The following RSPH1 variants were observed in gnomAD, a reference collection of about 807,000 sequenced individuals.
The protein encoded by RSPH1 is radial spoke head component 1.
Under a neutral mutation model 44.2 loss-of-function variants are expected in RSPH1, and 32 were observed. The observed-to-expected ratio is 0.72, with a 90% confidence interval of 0.55 to 0.97. RSPH1 has a LOEUF of 0.97. Among genes scored for constraint, RSPH1 ranks in the 50% least tolerant of loss-of-function variants. RSPH1 has a pLI of 0.00. For synonymous variants in RSPH1, 134 were observed against 147.3 expected (o/e 0.91, Z 0.65); for missense variants, 391 against 398.7 (o/e 0.98, Z 0.16).
intron 8 of RSPH1, among the ~76,000 whole-genome samples, chr21:42,473,828 C>A (rs924142906): frequency 6.6e-6 from 1 of 152,142 alleles, no homozygotes; most frequent in Non-Finnish European, 1.5e-5. Flanking sequence ...CCGTCCCCGG[C>A]CTCCACCCAG....
chr21:42,477,566 T>C (rs2054081558), intron 6 of RSPH1, 122 bp from the exon 7 acceptor site: 5 of 957,846 alleles, frequency 5.2e-6, no homozygotes, highest in Non-Finnish European at 8.0e-6. Flanking sequence ...TCAGCCTTTT[T>C]AGGACGTCAC....
rs140033070 is a variant in RSPH1 at position 42,483,989 on chromosome 21, GGT to G, written c.502-1283_502-1282del. Among the ~76,000 whole-genome samples, 1,207 of 150,662 alleles carry G rather than the reference GGT, an allele frequency of 8.0e-3. 20 individuals carry two copies. The highest frequency in any genetic ancestry group is 0.027 in the African/African-American group (1,124 of 41,128). ...TCTGGACTTCCTAATTTGCTTCATTGGTGTGTGTGTGTGTGTGTATCCTGGTA... is the reference window on the plus strand; with the variant it reads ...TCTGGACTTCCTAATTTGCTTCATTGGTGTGTGTGTGTGTGTATCCTGGTA... On this transcript the variant is annotated intron_variant, in intron 5 of 8. Coordinates refer to ENST00000291536, the MANE Select transcript of RSPH1 (RefSeq NM_080860.4).
In RSPH1 at chr21:42,492,873, A is replaced by G. The variant is rs1336050637; in HGVS notation, c.169-10T>C. On this transcript the variant is annotated splice_polypyrimidine_tract_variant and intron_variant, in intron 2 of 8. Transcript: ENST00000291536. ...TAAATTTGTAGATCCCCTGAAACAC[A>G]TTGATTATATCATTCATATCATTGC... 1 of 1,591,220 alleles carries G rather than the reference A, an allele frequency of 6.3e-7. No individual in the cohort carries two copies. The highest frequency in any genetic ancestry group is 1.3e-5 in the African/African-American group (1 of 74,410).
At chr21:42,485,558 C>T (rs2146654996) in intron 5 of RSPH1, 111 bp downstream of exon 5, 5 of 1,239,732 alleles carry the variant, frequency 4.0e-6, no homozygotes, top group East Asian at 2.3e-5. Flanking sequence ...TTGAATAGGC[C>T]GGACTCAGTT....
At position 42,485,762 on chromosome 21, in the gene RSPH1, C is replaced by T. The variant is rs771299455; in HGVS notation, c.408G>A (p.Lys136=). The T allele has an allele frequency of 1.9e-6, 3 of 1,614,166 alleles. No individual in the cohort carries two copies. Among genetic ancestry groups the T allele is most frequent in the East Asian group, 2.2e-5 (1 of 44,892 alleles). The change falls in exon 5 of 9, where the codon AAG becomes AAA. Residue 136 remains lysine, a synonymous_variant. Transcript: ENST00000291536. ...GTCCGTTCACCCAGGTGCCAACATA[C>T]TTACTGCCCGTCTCCGCGTATAAAT... ...GTYLYAETGS[K]YVGTWVNGQQ...
In RSPH1 at chr21:42,474,866, G is replaced by A. The variant is rs2054028692; in HGVS notation, c.877+1032C>T. On this transcript the variant is annotated intron_variant, in intron 8 of 8. Transcript: ENST00000291536. This position sits in a 1 kb window ranked among gnomAD's most constrained non-coding sequence, Gnocchi z 5.2. ...TGCTTCAAGCATCTAAGAGAAAACT[G>A]CTTTATGTGATTTCATTATTTCAGG... Among the ~76,000 whole-genome samples the A allele has an allele frequency of 6.6e-6, 1 of 152,226 alleles. No homozygotes were observed. Among genetic ancestry groups the A allele is most frequent in the Non-Finnish European group, 1.5e-5 (1 of 68,044 alleles).
At position 42,492,877 on chromosome 21, in the gene RSPH1, A is replaced by G; in HGVS notation, c.169-14T>C. The G allele has an allele frequency of 6.3e-7, 1 of 1,588,558 alleles. No homozygotes were observed. The highest frequency in any genetic ancestry group is 1.3e-5 in the African/African-American group (1 of 74,476). On this transcript the variant is annotated splice_polypyrimidine_tract_variant and intron_variant, in intron 2 of 8. Transcript: ENST00000291536. ...TTTGTAGATCCCCTGAAACACATTG[A>G]TTATATCATTCATATCATTGCTGAA...
At chr21:42,491,177 C>T (rs1026212655) in intron 3 of RSPH1, among the ~76,000 whole-genome samples, 5 of 152,104 alleles carry the variant, frequency 3.3e-5, no homozygotes, top group African/African-American at 9.7e-5. Context: ...AATTTGTAGC[C>T]GAGTCAGGTA....
chr21:42,472,900 C>G, intron 8 of RSPH1, 30 bp from the exon 9 acceptor site: 1 of 1,479,870 alleles, frequency 6.8e-7, no homozygotes. Flanking sequence ...ATGAGTATAT[C>G]TCATATTTAC....
At chr21:42,489,040 G>T (rs1447491738) in intron 3 of RSPH1, among the ~76,000 whole-genome samples, 1 of 152,096 alleles carries the variant, frequency 6.6e-6, no homozygotes, top group African/African-American at 2.4e-5. Flanking sequence ...TGGTTGGTTG[G>T]TTGGTTGGCT....
intron 3 of RSPH1, among the ~76,000 whole-genome samples, chr21:42,488,442 G>A (rs2054201475): frequency 6.6e-6 from 1 of 152,110 alleles, no homozygotes; most frequent in South Asian, 2.1e-4. Flanking sequence ...GCACAGCCCT[G>A]GGGCATAGAG....
chr21:42,478,161 T>C (rs2054089482), intron 6 of RSPH1, among the ~76,000 whole-genome samples: 1 of 152,254 alleles, frequency 6.6e-6, no homozygotes, highest in South Asian at 2.1e-4. Context: ...CATATTTGCC[T>C]ACTTCTCAGT....
At chr21:42,489,149 T>C (rs1329720689) in intron 3 of RSPH1, among the ~76,000 whole-genome samples, 1 of 152,010 alleles carries the variant, frequency 6.6e-6, no homozygotes, top group Admixed American at 6.6e-5. Flanking sequence ...GGCTAGTCAG[T>C]TGGCTGGTTG....
At chr21:42,485,094 G>T (rs1290155467) in intron 5 of RSPH1, 1 of 152,772 alleles carries the variant, frequency 6.5e-6, no homozygotes, top group Non-Finnish European at 1.5e-5. Context: ...TGTACAATAA[G>T]GGCAAGAGGA....
intron 3 of RSPH1, among the ~76,000 whole-genome samples, chr21:42,486,743 G>A (rs1451882672): frequency 6.6e-6 from 1 of 152,168 alleles, no homozygotes; most frequent in Non-Finnish European, 1.5e-5. Context: ...CTAAGAGAGG[G>A]CTGAGTCAGG....
Position 42,486,457 on chromosome 21 carries a change from C to A in RSPH1, c.279G>T (p.Glu93Asp), listed in dbSNP as rs537588852. 1 of 1,613,352 alleles carries A rather than the reference C, an allele frequency of 6.2e-7. No individual in the cohort carries two copies. The highest frequency in any genetic ancestry group is 1.1e-5 in the South Asian group (1 of 91,076). ...IYPDGSRYEG[E>D]WANDLRHGHG... is the part of the protein sequence containing the mutation. ...GGCCGTGCCGCAGGTCATTTGCCCA[C>A]TCTCCTGAAAGGAACAACACAAAGG... The change falls in exon 4 of 9, where the codon GAG becomes GAT. Residue 93 changes from glutamate to aspartate, a missense_variant. Physicochemically the swap from Glu to Asp is conservative, Grantham distance 45. Transcript: ENST00000291536.
chr21:42,476,996 CCCACAGCCCGGGGGATGCCCCACA>C (rs2054061294), intron 7 of RSPH1, among the ~76,000 whole-genome samples: 1 of 47,774 alleles, frequency 2.1e-5, no homozygotes, highest in African/African-American at 6.6e-5. Flanking sequence ...CACCCTCTGT[CCCACAGCCCGGGGGATGCCCCACA>C]CCCTCTGTCC....
At chr21:42,477,672 C>T (rs953979004) in intron 6 of RSPH1, among the ~76,000 whole-genome samples, 4 of 152,176 alleles carry the variant, frequency 2.6e-5, no homozygotes, top group African/African-American at 9.7e-5. Flanking sequence ...GTCTCCAGAG[C>T]AATGCTGGGC....
In RSPH1 at chr21:42,496,182, G is replaced by T; in HGVS notation, c.5C>A (p.Ser2Ter). Residue 2 changes from serine (S) to a stop codon, truncating the protein, a stop_gained, in exon 1 of 9, where the codon TCG (serine) becomes TAG (stop). Transcript: ENST00000291536. LOFTEE classifies it high-confidence loss of function. Reference sequence around the variant, plus strand: ...CTCCAACTCCTCCGAGCCCAGGTCCGACATGGTCTCGCCCCAGCCTGGATC... The same window carrying T: ...CTCCAACTCCTCCGAGCCCAGGTCCTACATGGTCTCGCCCCAGCCTGGATC... M[S>*]DLGSEELEEE... 1 of 1,614,140 alleles carries T rather than the reference G, an allele frequency of 6.2e-7. No individual in the cohort carries two copies. Among genetic ancestry groups the T allele is most frequent in the Admixed American group, 1.7e-5 (1 of 60,032 alleles).
Sources: gnomAD v4.1 joint callset for allele counts (sites outside exome capture counted in the v4.1 genomes callset) on GRCh38, gnomAD v4.1.1 for gene constraint, Gnocchi (gnomAD v3.1) non-coding constraint, MANE v1.5 for transcripts, NCBI Gene and HGNC (gene_info 2026-07-23, HGNC 2026-07-21) for gene names.